Variants in SKIC3 observed in about 807,000 individuals in gnomAD.
The protein encoded by SKIC3 is superkiller complex protein 3.
At chr5:95,477,353 C>T in the SKIC3 span, among the ~76,000 whole-genome samples, 1 of 147,714 alleles carries the variant, frequency 6.8e-6, no homozygotes, top group African/African-American at 2.5e-5. Flanking sequence ...GGCACCAAAG[C>T]AAAAAAAAAG....
chr5:95,491,126 TA>T, the SKIC3 span: 248 of 1,504,348 alleles, frequency 1.6e-4, no homozygotes, highest in East Asian at 3.7e-4. Flanking sequence ...GTTTACAAGT[TA>T]AAAAAAAATT....
chr5:95,529,410 G>T, the SKIC3 span: 1 of 401,568 alleles, frequency 2.5e-6, no homozygotes, highest in Non-Finnish European at 4.7e-6. Flanking sequence ...AAATTCCCCT[G>T]CTAAAAATCT....
chr5:95,543,873 A>C, the SKIC3 span, among the ~76,000 whole-genome samples: 1 of 152,252 alleles, frequency 6.6e-6, no homozygotes. Flanking sequence ...AACTGGAATA[A>C]AAATTATATG....
the SKIC3 span, chr5:95,512,546 GCT>G: frequency 1.9e-6 from 3 of 1,613,992 alleles, no homozygotes; most frequent in East Asian, 2.2e-5. Flanking sequence ...TACTGGTACA[GCT>G]CTGTTTCTCT....
the SKIC3 span, among the ~76,000 whole-genome samples, chr5:95,534,064 A>G: frequency 6.6e-6 from 1 of 152,164 alleles, no homozygotes; most frequent in African/African-American, 2.4e-5. Context: ...TAATTTTTCA[A>G]TAACAACAGT....
chr5:95,510,153 G>GT, the SKIC3 span, among the ~76,000 whole-genome samples: 1 of 152,290 alleles, frequency 6.6e-6, no homozygotes, highest in East Asian at 1.9e-4. Flanking sequence ...TTTCGGTGCA[G>GT]TATTTTGAAA....
At chr5:95,476,912 C>T in the SKIC3 span, among the ~76,000 whole-genome samples, 3 of 152,090 alleles carry the variant, frequency 2.0e-5, no homozygotes, top group Non-Finnish European at 4.4e-5. Flanking sequence ...TAGAACCTAG[C>T]GCAGACTAAG....
At chr5:95,526,284 A>T in the SKIC3 span, among the ~76,000 whole-genome samples, 1 of 152,036 alleles carries the variant, frequency 6.6e-6, no homozygotes, top group African/African-American at 2.4e-5. Flanking sequence ...TAACTGTTGA[A>T]AAATATGGCC....
chr5:95,469,617 G>A, the SKIC3 span, among the ~76,000 whole-genome samples: 1 of 152,048 alleles, frequency 6.6e-6, no homozygotes, highest in Admixed American at 6.6e-5. Flanking sequence ...CTGGATTTCT[G>A]GAACCAGTTC....
At chr5:95,529,965 A>G in the SKIC3 span, 2 of 1,130,244 alleles carry the variant, frequency 1.8e-6, no homozygotes, top group Non-Finnish European at 2.6e-6. Flanking sequence ...AGTCCAAGGT[A>G]TGCAGGTACA....
the SKIC3 span, chr5:95,491,001 A>G: frequency 6.2e-7 from 1 of 1,614,128 alleles, no homozygotes; most frequent in South Asian, 1.1e-5. Context: ...TCAGCGTGAC[A>G]GGCTGCCATT....
At chr5:95,489,693 A>T in the SKIC3 span, among the ~76,000 whole-genome samples, 1 of 152,150 alleles carries the variant, frequency 6.6e-6, no homozygotes, top group Non-Finnish European at 1.5e-5. Context: ...TATATGATAG[A>T]TACTAAACCA....
chr5:95,492,679 A>AAAAAAAAAAAAAAAAAAAAAAAAAAT, the SKIC3 span, among the ~76,000 whole-genome samples: 1 of 136,272 alleles, frequency 7.3e-6, no homozygotes, highest in Non-Finnish European at 1.6e-5. Flanking sequence ...AAAAAAAAAA[A>AAAAAAAAAAAAAAAAAAAAAAAAAAT]AAAAAAAAAA....
chr5:95,471,613 C>G, the SKIC3 span, among the ~76,000 whole-genome samples: 1 of 152,118 alleles, frequency 6.6e-6, no homozygotes, highest in East Asian at 1.9e-4. Context: ...CGCCCCAATT[C>G]CCCTCAGCTC....
the SKIC3 span, among the ~76,000 whole-genome samples, chr5:95,514,448 C>A: frequency 6.6e-6 from 1 of 152,070 alleles, no homozygotes; most frequent in Non-Finnish European, 1.5e-5. Flanking sequence ...TTTACAGAAA[C>A]ATAATATTCA....
At chr5:95,478,578 A>G in the SKIC3 span, 45 of 1,215,888 alleles carry the variant, frequency 3.7e-5, no homozygotes, top group Non-Finnish European at 4.8e-5. Context: ...GTGCCCAAAA[A>G]ACAATTACAG....
At chr5:95,530,025 A>T in the SKIC3 span, 1 of 1,589,076 alleles carries the variant, frequency 6.3e-7, no homozygotes, top group Admixed American at 1.7e-5. Flanking sequence ...AGGCTCAAAG[A>T]TAAATGCCTA....
At chr5:95,516,613 T>G in the SKIC3 span, 1 of 1,613,280 alleles carries the variant, frequency 6.2e-7, no homozygotes, top group Non-Finnish European at 8.5e-7. Context: ...CTGATGAAAC[T>G]GAACTTTGTT....
chr5:95,484,977 A>G, the SKIC3 span: 3 of 944,552 alleles, frequency 3.2e-6, no homozygotes, highest in Admixed American at 5.8e-5. Flanking sequence ...CATGTGCCAC[A>G]TGTACCATAG....
Sources: allele counts gnomAD v4.1 joint callset (sites outside exome capture counted in the v4.1 genomes callset), GRCh38; gene constraint gnomAD v4.1.1; transcripts MANE v1.5; gene names NCBI Gene and HGNC (gene_info 2026-07-23, HGNC 2026-07-21).